Variants in IRAG1 observed in about 807,000 individuals in gnomAD.
The protein encoded by IRAG1 is IP3R-associated cGMP kinase substrate.
Under a neutral mutation model 106.2 loss-of-function variants are expected in IRAG1, and 62 were observed. That is an observed-to-expected ratio of 0.58 (90% CI 0.48 to 0.72). IRAG1 has a LOEUF of 0.72. Among genes scored for constraint, IRAG1 ranks in the 30% least tolerant of loss-of-function variants. The pLI is 0.00. For missense variants in IRAG1, 1,064 were observed against 1,140.7 expected (o/e 0.93, Z 0.97); for synonymous variants, 462 against 443.9 (o/e 1.04, Z -0.51).
In IRAG1 at chr11:10,601,064, G is replaced by A. The variant is rs79386778; in HGVS notation, c.1876-5C>T. On this transcript the variant is annotated splice_polypyrimidine_tract_variant and splice_region_variant and intron_variant, in intron 14 of 20. Transcript: ENST00000423302. ...TGCTTTCGACATGCGCTTTTCCTGCGGGGAAGGAGCGCATGAGTGCATGAG... is the reference window on the plus strand; with the variant it reads ...TGCTTTCGACATGCGCTTTTCCTGCAGGGAAGGAGCGCATGAGTGCATGAG... The A allele has an allele frequency of 0.028, 45,950 of 1,613,634 alleles. 760 individuals carry two copies. The highest frequency in any genetic ancestry group is 0.06 in the Middle Eastern group (361 of 6,060).
chr11:10,680,200 G>A (rs959324807), intron 1 of IRAG1, among the ~76,000 whole-genome samples: 2 of 150,574 alleles, frequency 1.3e-5, no homozygotes, highest in African/African-American at 4.9e-5. Context: ...TTGAACCCAG[G>A]AGGTGGAGGT....
intron 1 of IRAG1, among the ~76,000 whole-genome samples, chr11:10,672,424 A>T (rs528263377): frequency 6.6e-6 from 1 of 152,372 alleles, no homozygotes; most frequent in African/African-American, 2.4e-5. Context: ...ATAGAAAAAA[A>T]TTTGCAAATA....
chr11:10,692,181 C>T (rs1286679967), intron 1 of IRAG1, among the ~76,000 whole-genome samples: 1 of 141,688 alleles, frequency 7.1e-6, no homozygotes, highest in Non-Finnish European at 1.5e-5. Context: ...AACAGCCACC[C>T]ACCAAATATG....
At chr11:10,600,724 T>C (rs1022167693) in intron 15 of IRAG1, among the ~76,000 whole-genome samples, 194 bp downstream of exon 15, 1 of 152,200 alleles carries the variant, frequency 6.6e-6, no homozygotes, top group Non-Finnish European at 1.5e-5. Context: ...GAAAGGCTCA[T>C]GTTTCCTGGT....
chr11:10,665,150 C>A lies in IRAG1; in HGVS notation c.68-12968G>T, dbSNP rs770859305. Among the ~76,000 whole-genome samples, 69 of 151,912 alleles carry A rather than the reference C, an allele frequency of 4.5e-4. No individual in the cohort carries two copies. The highest frequency in any genetic ancestry group is 6.9e-4 in the Non-Finnish European group (47 of 67,974). ...TACCTAACCCTAACCCTAACCCTAA[C>A]CCTGAGAGTTTAAGCTGGGAACTCA... On this transcript the variant is annotated intron_variant, in intron 1 of 20. Coordinates refer to ENST00000423302, the MANE Select transcript of IRAG1 (RefSeq NM_130385.4). The surrounding 1 kb of genome is among the most constrained non-coding windows in gnomAD (Gnocchi z 4.2).
At chr11:10,606,877 G>C in intron 11 of IRAG1, 105 bp from the exon 12 acceptor site, 3 of 1,092,248 alleles carry the variant, frequency 2.7e-6, no homozygotes, top group Non-Finnish European at 3.9e-6. Context: ...GGTGGAGTAA[G>C]CTGTGTTGGT....
intron 20 of IRAG1, among the ~76,000 whole-genome samples, chr11:10,579,172 G>A (rs146421490): frequency 9.7e-4 from 147 of 152,260 alleles, no homozygotes; most frequent in Admixed American, 1.8e-3. Context: ...TTCTCCTAAC[G>A]GCTCTTCCCC....
chr11:10,623,668 T>C (rs536722084), intron 10 of IRAG1, 110 bp downstream of exon 10: 1 of 1,013,560 alleles, frequency 9.9e-7, no homozygotes, highest in East Asian at 2.5e-5. Context: ...CACCAGCAAA[T>C]GTTTCCTGAG....
At chr11:10,662,047 G>A (rs1467099340) in intron 1 of IRAG1, among the ~76,000 whole-genome samples, 1 of 152,162 alleles carries the variant, frequency 6.6e-6, no homozygotes, top group Non-Finnish European at 1.5e-5. Flanking sequence ...ACACAGAATA[G>A]GCATTCACTA....
intron 16 of IRAG1, 81 bp downstream of exon 16, chr11:10,594,065 G>T: frequency 7.6e-7 from 1 of 1,323,754 alleles, no homozygotes; most frequent in Non-Finnish European, 1.1e-6. Flanking sequence ...ATGGATCCCA[G>T]AATGAATGAT....
chr11:10,624,102 G>C (rs781708483), intron 9 of IRAG1, among the ~76,000 whole-genome samples: 26 of 152,154 alleles, frequency 1.7e-4, no homozygotes, highest in Non-Finnish European at 3.5e-4. Flanking sequence ...GACTACCCTT[G>C]GCATGGTCTT....
intron 4 of IRAG1, among the ~76,000 whole-genome samples, chr11:10,631,122 G>A (rs1162227462): frequency 2.0e-5 from 3 of 152,172 alleles, no homozygotes; most frequent in African/African-American, 7.2e-5. Flanking sequence ...AGATGGAATG[G>A]GACAATTGCT....
At chr11:10,673,700 A>T (rs935783168) in intron 1 of IRAG1, among the ~76,000 whole-genome samples, 1 of 147,302 alleles carries the variant, frequency 6.8e-6, no homozygotes, top group African/African-American at 2.5e-5. Context: ...AACTTCCATT[A>T]AAAAAAAAAG....
chr11:10,640,249 C>T (rs921906856), intron 2 of IRAG1, among the ~76,000 whole-genome samples: 27 of 152,120 alleles, frequency 1.8e-4, no homozygotes, highest in African/African-American at 6.0e-4. Flanking sequence ...GGCAGAGGTG[C>T]CCATACAAAA....
At chr11:10,627,609 G>T in intron 8 of IRAG1, 107 bp downstream of exon 8, 1 of 1,171,978 alleles carries the variant, frequency 8.5e-7, no homozygotes. Context: ...CCACTCATAC[G>T]TGTGCATGCA....
intron 2 of IRAG1, among the ~76,000 whole-genome samples, chr11:10,646,426 T>A (rs974606335): frequency 5.9e-5 from 9 of 152,136 alleles, no homozygotes; most frequent in Non-Finnish European, 1.0e-4. Flanking sequence ...CATTTAATCA[T>A]CTAGCCAGCC....
At chr11:10,602,211 G>A (rs1222407557) in intron 14 of IRAG1, among the ~76,000 whole-genome samples, 1 of 152,208 alleles carries the variant, frequency 6.6e-6, no homozygotes, top group Non-Finnish European at 1.5e-5. Context: ...CCCAGCGACA[G>A]GTCTTTCTTT....
intron 1 of IRAG1, among the ~76,000 whole-genome samples, chr11:10,685,502 C>G (rs967228419): frequency 1.3e-5 from 2 of 151,558 alleles, no homozygotes; most frequent in Admixed American, 6.6e-5. Context: ...TCACTTGAGT[C>G]CAGGAGTTTG....
At chr11:10,676,321 GCA>G (rs1401183246) in intron 1 of IRAG1, among the ~76,000 whole-genome samples, 2 of 152,262 alleles carry the variant, frequency 1.3e-5, no homozygotes, top group African/African-American at 2.4e-5. Context: ...ACATGACTCA[GCA>G]CAGTCAGTGC....
Sources: gnomAD v4.1 joint callset for allele counts (sites outside exome capture counted in the v4.1 genomes callset) on GRCh38, gnomAD v4.1.1 for gene constraint, Gnocchi (gnomAD v3.1) non-coding constraint, MANE v1.5 for transcripts, NCBI Gene and HGNC (gene_info 2026-07-23, HGNC 2026-07-21) for gene names.